Variants in EDNRB observed in about 807,000 individuals in gnomAD.
EDNRB encodes the protein endothelin receptor type B, also known as Hirschsprung disease 2.
In EDNRB, 18 loss-of-function variants were observed where a neutral mutation model predicts 46.4. The observed-to-expected ratio is 0.39, with a 90% CI of 0.27 to 0.57. The LOEUF (loss-of-function observed/expected upper bound fraction) is 0.57. Among genes scored for constraint, EDNRB ranks in the 20% least tolerant of loss-of-function variants. The pLI is 0.61. For synonymous variants in EDNRB, 213 were observed against 204.9 expected (o/e 1.04, Z -0.34); for missense variants, 434 against 537.5 (o/e 0.81, Z 1.90).
In EDNRB at chr13:77,896,261, A is replaced by T. The variant is rs564303926; in HGVS notation, c.*1939T>A. 2 of 444,878 alleles carry T rather than the reference A, an allele frequency of 4.5e-6. No individual in the cohort carries two copies. The highest frequency in any genetic ancestry group is 1.8e-4 in the South Asian group (2 of 11,154). The allele number at this position is 444,878 out of a possible 1,614,324, so 27.6% of individuals were successfully genotyped here. On this transcript the variant is annotated 3_prime_UTR_variant, in exon 7 of 7. Transcript: ENST00000646607. ...CAGTACATGGTAATAAAAATAATCT[A>T]AAATTTAAATAGAAATTAAATATAT... is the stretch of plus-strand genomic sequence containing the variant.
At chr13:77,916,809 T>A (rs1879828303) in intron 1 of EDNRB, among the ~76,000 whole-genome samples, 1 of 152,228 alleles carries the variant, frequency 6.6e-6, no homozygotes, top group African/African-American at 2.4e-5. Flanking sequence ...ACTGTGATTG[T>A]GTTTTTATGT....
intron 4 of EDNRB, 22 bp from the exon 5 acceptor site, chr13:77,900,676 A>T: frequency 6.2e-7 from 1 of 1,611,824 alleles, no homozygotes; most frequent in Non-Finnish European, 8.5e-7. Context: ...CCATAGTTTG[A>T]CCCTTAAAAG....
intron 1 of EDNRB, among the ~76,000 whole-genome samples, chr13:77,943,375 A>T (rs1880807022): frequency 6.6e-6 from 1 of 152,060 alleles, no homozygotes; most frequent in South Asian, 2.1e-4. Context: ...TTTCTCATAT[A>T]CTCATGCATT....
At chr13:77,957,910 T>C (rs1022948329) in intron 1 of EDNRB, among the ~76,000 whole-genome samples, 2 of 152,242 alleles carry the variant, frequency 1.3e-5, no homozygotes, top group African/African-American at 4.8e-5. Flanking sequence ...AAAAGGATTA[T>C]AAATTGATTT....
At chr13:77,924,609 A>T (rs1880179673), upstream of EDNRB, among the ~76,000 whole-genome samples, 1 of 152,208 alleles carries the variant, frequency 6.6e-6, no homozygotes, top group Non-Finnish European at 1.5e-5. Flanking sequence ...TGTTAAATAC[A>T]TCTATATTGT....
chr13:77,899,163 C>T (rs1018747544), intron 6 of EDNRB, among the ~76,000 whole-genome samples: 5 of 151,728 alleles, frequency 3.3e-5, no homozygotes, highest in Non-Finnish European at 2.9e-5. Flanking sequence ...TATGAGTGGG[C>T]GAAGAATGTT....
intron 1 of EDNRB, among the ~76,000 whole-genome samples, chr13:77,957,709 C>T (rs1393860937): frequency 1.3e-5 from 2 of 152,104 alleles, no homozygotes; most frequent in Non-Finnish European, 2.9e-5. Flanking sequence ...GGATGAACTG[C>T]CTGCACGTAC....
At chr13:77,928,200 A>C (rs1205634788) in intron 1 of EDNRB, among the ~76,000 whole-genome samples, 2 of 152,182 alleles carry the variant, frequency 1.3e-5, no homozygotes, top group Non-Finnish European at 2.9e-5. Flanking sequence ...TGTTTTATAA[A>C]AATTTGGAGG....
At chr13:77,936,485 T>C (rs901529689) in intron 1 of EDNRB, among the ~76,000 whole-genome samples, 2 of 152,166 alleles carry the variant, frequency 1.3e-5, no homozygotes, top group Non-Finnish European at 2.9e-5. Flanking sequence ...GTAGCCTCCA[T>C]ATTAATTAAG....
At chr13:77,966,691 C>G (rs1363874652) in intron 1 of EDNRB, among the ~76,000 whole-genome samples, 1 of 152,166 alleles carries the variant, frequency 6.6e-6, no homozygotes, top group Non-Finnish European at 1.5e-5. Flanking sequence ...TTTGGAACTT[C>G]TTTTGCGCAG....
At chr13:77,940,194 T>C (rs1329078494) in intron 1 of EDNRB, among the ~76,000 whole-genome samples, 1 of 151,960 alleles carries the variant, frequency 6.6e-6, no homozygotes, top group African/African-American at 2.4e-5. Flanking sequence ...GCACTGGGGG[T>C]TGAATGAACA....
intron 1 of EDNRB, among the ~76,000 whole-genome samples, chr13:77,959,450 G>A (rs1881338404): frequency 6.6e-6 from 1 of 152,200 alleles, no homozygotes; most frequent in Non-Finnish European, 1.5e-5. Context: ...TGGACTTCCA[G>A]CAAACTCCAA....
At chr13:77,948,162 A>C (rs1297940249) in intron 1 of EDNRB, among the ~76,000 whole-genome samples, 1 of 152,200 alleles carries the variant, frequency 6.6e-6, no homozygotes, top group Non-Finnish European at 1.5e-5. Context: ...CTGATGTGCT[A>C]GACAAAAGTC....
chr13:77,949,093 T>C (rs1881014595), intron 1 of EDNRB, among the ~76,000 whole-genome samples: 1 of 152,190 alleles, frequency 6.6e-6, no homozygotes, highest in Admixed American at 6.5e-5. Context: ...CACTTCAGGA[T>C]TAAGAAAGAT....
chr13:77,968,699 G>A (rs1228279697), intron 1 of EDNRB, among the ~76,000 whole-genome samples: 1 of 152,132 alleles, frequency 6.6e-6, no homozygotes, highest in Non-Finnish European at 1.5e-5. Context: ...CTTAAATAAG[G>A]CAATTAGCTG....
chr13:77,949,353 A>C (rs1881023566), intron 1 of EDNRB, among the ~76,000 whole-genome samples: 3 of 152,140 alleles, frequency 2.0e-5, no homozygotes, highest in Admixed American at 2.0e-4. Context: ...CCCAATGCTA[A>C]GTTCTTCTAC....
intron 1 of EDNRB, among the ~76,000 whole-genome samples, chr13:77,934,684 G>C (rs923382108): frequency 9.3e-5 from 14 of 150,872 alleles, no homozygotes; most frequent in East Asian, 7.9e-4. Flanking sequence ...AGGAAAGGGG[G>C]GGGGGGGCCT....
intron 1 of EDNRB, among the ~76,000 whole-genome samples, chr13:77,940,662 C>T (rs1880716744): frequency 6.6e-6 from 1 of 151,518 alleles, no homozygotes; most frequent in Non-Finnish European, 1.5e-5. Flanking sequence ...ATTAGTTTGT[C>T]AGAAAATCTC....
upstream of EDNRB, among the ~76,000 whole-genome samples, chr13:77,920,618 G>A (rs886475809): frequency 2.0e-5 from 3 of 152,180 alleles, no homozygotes; most frequent in Non-Finnish European, 4.4e-5. Flanking sequence ...TTAAAAAGGT[G>A]AACTTTAAGT....
Sources: allele counts gnomAD v4.1 joint callset (sites outside exome capture counted in the v4.1 genomes callset), GRCh38; gene constraint gnomAD v4.1.1; transcripts MANE v1.5; gene names NCBI Gene and HGNC (gene_info 2026-07-23, HGNC 2026-07-21).